The following IKZF5 variants were observed in gnomAD, a reference collection of about 807,000 sequenced individuals.
The protein encoded by IKZF5 is IKAROS family zinc finger 5.
Under a neutral mutation model 30.7 loss-of-function variants are expected in IKZF5, and 4 were observed. The ratio of observed to expected loss-of-function variants is 0.13; its 90% CI spans 0.06 to 0.30. The LOEUF is 0.30. IKZF5 is among the 10% of genes least tolerant of loss of function. IKZF5 has a pLI of 1.00. For missense variants in IKZF5, 348 were observed against 525.5 expected, an observed-to-expected ratio of 0.66 and a Z score of 3.30; for synonymous variants, 148 against 179.6, an observed-to-expected ratio of 0.82 and a Z score of 1.41.
Position 123,008,790 on chromosome 10 carries a change from T to G in IKZF5, c.-294A>C. ...CCGTCACAGTCGCCGCCGCCATCTT[T>G]GTTGTGTCTCCGACTCCCTTCCCGC... On this transcript the variant is annotated 5_prime_UTR_variant, in exon 1 of 5. Coordinates refer to ENST00000368886, the MANE Select transcript of IKZF5 (RefSeq NM_001372123.1). The G allele has an allele frequency of 1.6e-6, 1 of 612,432 alleles. No individual in the cohort carries two copies. The highest frequency in any genetic ancestry group is 2.9e-6 in the Non-Finnish European group (1 of 343,360). The allele number at this position is 612,432 out of a possible 1,614,324, so 37.9% of individuals were successfully genotyped here. A position where few individuals can be genotyped will look rare whatever the true frequency, so the allele number is the denominator to read the frequency against.
At chr10:122,995,951 C>G in intron 4 of IKZF5, 43 bp downstream of exon 4, 1 of 1,598,998 alleles carries the variant, frequency 6.3e-7, no homozygotes, top group Non-Finnish European at 8.5e-7. Flanking sequence ...TGGCCCCTCT[C>G]CTGCCCTCAC....
chr10:122,998,726 A>G, intron 2 of IKZF5, 55 bp from the exon 3 acceptor site: 1 of 1,029,648 alleles, frequency 9.7e-7, no homozygotes, highest in South Asian at 1.7e-5. Context: ...ACAAATGACA[A>G]AAGCTATTTT....
In IKZF5 at chr10:122,991,659, G is replaced by A. The variant is rs1328472595; in HGVS notation, c.*2121C>T. ...GTAGATTTGCCTCAAACATTTTAGT[G>A]CATTTAGAATAACTGTAGCTTCTTA... is the stretch of plus-strand genomic sequence containing the variant. On this transcript the variant is annotated 3_prime_UTR_variant, in exon 5 of 5. Transcript: ENST00000368886. 6.6e-6 allele frequency: 1 copy of A among 152,138 alleles called. No homozygotes were observed. Among genetic ancestry groups the A allele is most frequent in the Non-Finnish European group, 1.5e-5 (1 of 67,992 alleles). The allele number at this position is 152,138 out of a possible 1,614,324, so 9.4% of individuals were successfully genotyped here.
chr10:122,994,294 T>C lies in IKZF5; in HGVS notation c.746A>G (p.Asp249Gly). The C allele has an allele frequency of 3.1e-6, 5 of 1,614,112 alleles. No homozygotes were observed. Among genetic ancestry groups the C allele is most frequent in the Non-Finnish European group, 4.2e-6 (5 of 1,180,006 alleles). Residue 249 changes from aspartate to glycine, a missense_variant, in exon 5 of 5, where the codon GAT (aspartate) becomes GGT (glycine). This residue lies in a region of IKZF5 where 176 missense variants were observed against 198.2 expected (regional missense o/e 0.89). Coordinates refer to ENST00000368886, the MANE Select transcript of IKZF5 (RefSeq NM_001372123.1). The surrounding 1 kb of genome is among the most constrained non-coding windows in gnomAD (Gnocchi z 5.6). ...AGTCGAGAGCTGATTCAAAGGGTTA[T>C]CAACCATGAGTTCTTGGGGGTCCCT... ...LPRDPQELMV[D>G]NPLNQLSTLA...
At chr10:122,995,491 A>G (rs989601093) in intron 4 of IKZF5, among the ~76,000 whole-genome samples, 1 of 152,180 alleles carries the variant, frequency 6.6e-6, no homozygotes, top group African/African-American at 2.4e-5. Context: ...ATGAATGAGC[A>G]CAGGATGCAT....
In IKZF5 at chr10:122,994,066, C is replaced by CTA. The variant is rs1161120459; in HGVS notation, c.972_973dup (p.Ser325IlefsTer20). ...CTCACTGCTTGGACCTGCCACTGGA[C>CTA]TATAGTTCCTTTGACTATGGGATGG... On this transcript the variant is annotated frameshift_variant, in exon 5 of 5. Transcript: ENST00000368886. LOFTEE classifies it high-confidence loss of function. This position sits in a 1 kb window ranked among gnomAD's most constrained non-coding sequence, Gnocchi z 5.6. The CTA allele has an allele frequency of 6.2e-7, 1 of 1,614,014 alleles. No homozygotes were observed. Among genetic ancestry groups the CTA allele is most frequent in the Non-Finnish European group, 8.5e-7 (1 of 1,180,056 alleles).
intron 2 of IKZF5, 143 bp from the exon 3 acceptor site, chr10:122,998,814 G>A (rs937048227): frequency 2.8e-5 from 11 of 386,700 alleles, no homozygotes; most frequent in African/African-American, 1.9e-4. Flanking sequence ...GTGAACTAAA[G>A]ACATACACAA....
In IKZF5 at chr10:122,998,513, T is replaced by G. The variant is rs1182958430; in HGVS notation, c.113A>C (p.Glu38Ala). ...MISGSVSGDK[E>A]AEALQGAGTD... ...TCTACCTCCCTGAAGAGCCTCTGCT[T>G]CTTTGTCCCCACTAACTGATCCAGA... Residue 38 changes from glutamate (E) to alanine (A), a missense_variant, in exon 3 of 5, where the codon GAA (glutamate) becomes GCA (alanine). Physicochemically the swap from Glu to Ala is moderately radical, Grantham distance 107. Coordinates refer to ENST00000368886, the MANE Select transcript of IKZF5 (RefSeq NM_001372123.1). The G allele has an allele frequency of 6.2e-7, 1 of 1,612,814 alleles. No homozygotes were observed. Among genetic ancestry groups the G allele is most frequent in the East Asian group, 2.2e-5 (1 of 44,884 alleles).
Position 122,995,922 on chromosome 10 carries a change from C to A in IKZF5, c.316+72G>T, listed in dbSNP as rs548317241. ...TTGAATATTAAAACTATTTCTATGA[C>A]AAACCAACCTGCCCCCCTTGGCCCC... is the stretch of plus-strand genomic sequence containing the variant. On this transcript the variant is annotated intron_variant, in intron 4 of 4. Coordinates refer to ENST00000368886, the MANE Select transcript of IKZF5 (RefSeq NM_001372123.1). 1.2e-5 allele frequency: 18 copies of A among 1,452,882 alleles called. No individual in the cohort carries two copies. In the Middle Eastern group the frequency reaches 5.5e-4, roughly 45 times the overall value. The allele number at this position is 1,452,882 out of a possible 1,614,324, so 90.0% of individuals were successfully genotyped here.
intron 2 of IKZF5, among the ~76,000 whole-genome samples, chr10:123,006,735 T>G (rs1849802819): frequency 6.6e-6 from 1 of 152,212 alleles, no homozygotes; most frequent in Admixed American, 6.5e-5. Context: ...TGATTACAGT[T>G]CAATAGATGT....
chr10:122,996,466 G>GC (rs1286483021), intron 3 of IKZF5, among the ~76,000 whole-genome samples: 4 of 151,718 alleles, frequency 2.6e-5, no homozygotes, highest in African/African-American at 9.7e-5. Context: ...GAGGTGGGGG[G>GC]ATAGCTTGAG....
intron 3 of IKZF5, chr10:122,997,625 CA>C (rs1214476563): frequency 6.6e-6 from 1 of 152,200 alleles, no homozygotes; most frequent in East Asian, 1.9e-4. Context: ...CTATCTAGGT[CA>C]GGGGTCAGCA....
intron 2 of IKZF5, among the ~76,000 whole-genome samples, chr10:123,000,465 T>C (rs1589719630): frequency 6.6e-6 from 1 of 152,244 alleles, no homozygotes; most frequent in Non-Finnish European, 1.5e-5. Context: ...TTATCTCTTA[T>C]ACTGTTTTTA....
At chr10:122,995,639 C>T (rs1314094812) in intron 4 of IKZF5, among the ~76,000 whole-genome samples, 1 of 152,164 alleles carries the variant, frequency 6.6e-6, no homozygotes, top group Non-Finnish European at 1.5e-5. Flanking sequence ...TGAAACCTTT[C>T]CCCCTTTCGG....
intron 2 of IKZF5, among the ~76,000 whole-genome samples, chr10:123,002,496 G>A (rs1334069242): frequency 6.8e-6 from 1 of 147,876 alleles, no homozygotes; most frequent in African/African-American, 2.5e-5. Context: ...CTCCAGCCTG[G>A]CGACAGAGCA....
chr10:122,998,318 T>A (rs1233978111), intron 3 of IKZF5, 175 bp downstream of exon 3: 2 of 519,940 alleles, frequency 3.8e-6, no homozygotes, highest in South Asian at 6.8e-5. Flanking sequence ...CCATGTTAAG[T>A]ACTCTCCAGC....
chr10:122,998,320 C>A (rs552220000), intron 3 of IKZF5, 173 bp downstream of exon 3: 118 of 524,252 alleles, frequency 2.3e-4, no homozygotes, highest in South Asian at 1.1e-3. Flanking sequence ...ATGTTAAGTA[C>A]TCTCCAGCAG....
intron 1 of IKZF5, among the ~76,000 whole-genome samples, chr10:123,007,979 G>C (rs1425670290): frequency 6.6e-6 from 1 of 152,036 alleles, no homozygotes; most frequent in Non-Finnish European, 1.5e-5. Flanking sequence ...CTCTAAGCAG[G>C]CCACGTGGTT....
intron 2 of IKZF5, among the ~76,000 whole-genome samples, chr10:123,006,022 T>A (rs1589724546): frequency 6.6e-6 from 1 of 152,174 alleles, no homozygotes; most frequent in South Asian, 2.1e-4. Flanking sequence ...TTAAGTTGAA[T>A]ATAGTATGGA....
Sources: gnomAD v4.1 joint callset for allele counts (sites outside exome capture counted in the v4.1 genomes callset) on GRCh38, gnomAD v4.1.1 for gene constraint, gnomAD v4.1.1 regional missense constraint, Gnocchi (gnomAD v3.1) non-coding constraint, MANE v1.5 for transcripts, NCBI Gene and HGNC (gene_info 2026-07-23, HGNC 2026-07-21) for gene names.